The following CYP2C19 variants were observed in gnomAD, a reference collection of about 807,000 sequenced individuals.
CYP2C19 encodes the protein cytochrome P450 family 2 subfamily C member 19.
Under a neutral mutation model 40.9 loss-of-function variants are expected in CYP2C19, and 59 were observed. The ratio of observed to expected loss-of-function variants is 1.44; its 90% CI spans 1.17 to 1.79. The LOEUF is 1.79. CYP2C19 is among the 40% of genes most tolerant of loss of function. The pLI is 0.00. For synonymous variants in CYP2C19, 253 were observed against 208.7 expected, an observed-to-expected ratio of 1.21 and a Z score of -1.83; for missense variants, 754 against 596.9, an observed-to-expected ratio of 1.26 and a Z score of -2.74.
intron 6 of CYP2C19, among the ~76,000 whole-genome samples, chr10:94,835,581 T>C (rs757536867): frequency 6.6e-6 from 1 of 152,050 alleles, no homozygotes; most frequent in African/African-American, 2.4e-5. Flanking sequence ...CCCTTCTATT[T>C]TCCTTTCCTT....
intron 6 of CYP2C19, among the ~76,000 whole-genome samples, chr10:94,829,252 A>G (rs1427913992): frequency 6.6e-6 from 1 of 152,192 alleles, no homozygotes; most frequent in African/African-American, 2.4e-5. Context: ...AATATCCTGC[A>G]GAGTGTTTTC....
intron 6 of CYP2C19, among the ~76,000 whole-genome samples, chr10:94,830,235 C>T (rs1019340155): frequency 7.9e-5 from 12 of 152,348 alleles, no homozygotes; most frequent in South Asian, 6.2e-4. Context: ...TGGGCAATGG[C>T]GGGCGCCCCT....
intron 5 of CYP2C19, among the ~76,000 whole-genome samples, chr10:94,804,864 C>T (rs1004891031): frequency 6.6e-6 from 1 of 152,142 alleles, no homozygotes; most frequent in African/African-American, 2.4e-5. Flanking sequence ...AATCTGCCAT[C>T]TTGGAAAATA....
intron 6 of CYP2C19, among the ~76,000 whole-genome samples, chr10:94,828,618 A>C (rs2134275641): frequency 1.3e-5 from 2 of 148,970 alleles, no homozygotes; most frequent in Non-Finnish European, 3.0e-5. Context: ...TCTTTATCCA[A>C]TTTGCAAGTC....
intron 5 of CYP2C19, among the ~76,000 whole-genome samples, chr10:94,790,182 G>C (rs1266573040): frequency 6.6e-6 from 1 of 152,002 alleles, no homozygotes; most frequent in African/African-American, 2.4e-5. Context: ...TATGATTTTT[G>C]CACCTTGATT....
intron 5 of CYP2C19, among the ~76,000 whole-genome samples, chr10:94,797,765 A>G (rs1450457731): frequency 1.3e-5 from 2 of 152,036 alleles, no homozygotes; most frequent in Admixed American, 6.5e-5. Flanking sequence ...TAGATATTCT[A>G]GTTTATTTGC....
chr10:94,818,954 C>G (rs1226374825), intron 5 of CYP2C19, among the ~76,000 whole-genome samples: 75 of 151,730 alleles, frequency 4.9e-4, no homozygotes, highest in Admixed American at 4.9e-3. Flanking sequence ...CAGCACCACA[C>G]CACACCTATT....
At position 94,775,138 on chromosome 10, in the gene CYP2C19, G is replaced by A. The variant is rs778656274; in HGVS notation, c.249G>A (p.Val83=). The A allele has an allele frequency of 2.5e-5, 41 of 1,614,108 alleles. 1 individual carries two copies. In the East Asian group the frequency reaches 2.9e-4, roughly 11 times the overall value. The change falls in exon 2 of 9, where the codon GTG becomes GTA. Residue 83 remains valine, a synonymous_variant. Transcript: ENST00000371321. ...TGGTGCTGCATGGATATGAAGTGGTGAAGGAAGCCCTGATTGATCTTGGAG... is the reference window on the plus strand; with the variant it reads ...TGGTGCTGCATGGATATGAAGTGGTAAAGGAAGCCCTGATTGATCTTGGAG... ...RMVVLHGYEV[V]KEALIDLGEE...
In CYP2C19 at chr10:94,817,466, A is replaced by T. The variant is rs1014988157; in HGVS notation, c.820-3030A>T. 7.1e-5 allele frequency among the ~76,000 whole-genome samples: 10 copies of T among 141,466 alleles called. 1 individual carries two copies. The highest frequency in any genetic ancestry group is 5.0e-4 in the Admixed American group (7 of 14,012). 92.8% of individuals were successfully genotyped at this position (141,466 alleles called of 152,430 possible). A position where few individuals can be genotyped will look rare whatever the true frequency, so the allele number is the denominator to read the frequency against. ...GTAAATTTGTTTGAGTTCATTGTAG[A>T]TTCTGGATATTAGCCCTTTGTCAGA... On this transcript the variant is annotated intron_variant, in intron 5 of 8. Transcript: ENST00000371321.
intron 5 of CYP2C19, among the ~76,000 whole-genome samples, chr10:94,796,251 A>G (rs1589356797): frequency 6.6e-6 from 1 of 152,202 alleles, no homozygotes; most frequent in Admixed American, 6.5e-5. Flanking sequence ...TTTGTTAAAC[A>G]GGGAATCCTT....
In CYP2C19 at chr10:94,806,336, G is replaced by T. The variant is rs142937628; in HGVS notation, c.820-14160G>T. 3.3e-3 allele frequency among the ~76,000 whole-genome samples: 504 copies of T among 152,068 alleles called. 2 individuals are homozygous for T. The highest frequency in any genetic ancestry group is 6.0e-3 in the Admixed American group (92 of 15,242). ...GGCACTTGGATTACTTTCACCTCTGGCTTTGTGAGTAATGTTATTATGCAT... is the reference window on the plus strand; with the variant it reads ...GGCACTTGGATTACTTTCACCTCTGTCTTTGTGAGTAATGTTATTATGCAT... On this transcript the variant is annotated intron_variant, in intron 5 of 8. Transcript: ENST00000371321.
chr10:94,763,549 T>C (rs759541359), intron 1 of CYP2C19, among the ~76,000 whole-genome samples: 4 of 152,132 alleles, frequency 2.6e-5, no homozygotes, highest in African/African-American at 9.7e-5. Flanking sequence ...TGAATACACC[T>C]CATTGTGTAG....
chr10:94,801,063 C>A (rs937542043), intron 5 of CYP2C19, among the ~76,000 whole-genome samples: 2 of 152,190 alleles, frequency 1.3e-5, no homozygotes, highest in Admixed American at 6.5e-5. Context: ...GAACAAGGTA[C>A]CGCAGTTGGA....
chr10:94,847,094 T>C (rs1310643873), intron 7 of CYP2C19, among the ~76,000 whole-genome samples: 1 of 151,782 alleles, frequency 6.6e-6, no homozygotes, highest in Admixed American at 6.6e-5. Context: ...TTTATTATTA[T>C]ACTGTAAGTT....
At chr10:94,823,397 G>C (rs541285337) in intron 6 of CYP2C19, among the ~76,000 whole-genome samples, 31 of 152,304 alleles carry the variant, frequency 2.0e-4, no homozygotes, top group African/African-American at 7.2e-4. Context: ...GGCAGATTTG[G>C]TAAGGGTCCA....
chr10:94,785,685 C>CA (rs1181447125), intron 5 of CYP2C19, among the ~76,000 whole-genome samples: 1 of 152,072 alleles, frequency 6.6e-6, no homozygotes, highest in African/African-American at 2.4e-5. Context: ...TAATGAAAAG[C>CA]AACCCTAAAT....
At chr10:94,805,281 CA>C (rs1327184110) in intron 5 of CYP2C19, among the ~76,000 whole-genome samples, 3 of 151,972 alleles carry the variant, frequency 2.0e-5, no homozygotes, top group Non-Finnish European at 4.4e-5. Flanking sequence ...TGAAAGTTGT[CA>C]TTTTTTTCTG....
Position 94,829,883 on chromosome 10 carries a change from C to G in CYP2C19, c.961+9246C>G, listed in dbSNP as rs942586976. Among the ~76,000 whole-genome samples the G allele has an allele frequency of 3.9e-5, 6 of 152,190 alleles. No individual in the cohort carries two copies. The South Asian group carries it at 1.2e-3, about 32-fold the overall frequency. On this transcript the variant is annotated intron_variant, in intron 6 of 8. Coordinates refer to ENST00000371321, the MANE Select transcript of CYP2C19 (RefSeq NM_000769.4). The stretch of plus-strand genomic sequence containing the variant: ...AGTTTTCCTTCTAACAGACAGGACC[C>G]TCAGCTGCAGGTCTGTTGGAATAAC...
At chr10:94,799,015 A>G (rs575833542) in intron 5 of CYP2C19, among the ~76,000 whole-genome samples, 3 of 151,950 alleles carry the variant, frequency 2.0e-5, no homozygotes, top group South Asian at 2.1e-4. Flanking sequence ...TAAGGTTAAT[A>G]TTGTTATATG....
Sources: gnomAD v4.1 joint callset for allele counts (sites outside exome capture counted in the v4.1 genomes callset) on GRCh38, gnomAD v4.1.1 for gene constraint, MANE v1.5 for transcripts, NCBI Gene and HGNC (gene_info 2026-07-23, HGNC 2026-07-21) for gene names.